WBP1L: variants seen among roughly 807,000 people sequenced by gnomAD.
WBP1L encodes WW domain binding protein 1 like.
WBP1L carries 17 observed loss-of-function variants against 33.7 expected under a neutral mutation model. The observed-to-expected ratio is 0.50, with a 90% confidence interval of 0.34 to 0.76. The LOEUF (loss-of-function observed/expected upper bound fraction) is 0.76. Ranked by LOEUF, WBP1L falls within the 30% of genes least tolerant of loss-of-function variation. The probability of loss-of-function intolerance (pLI) is 0.01; values close to 1 mark genes in which losing one functional copy is unlikely to be tolerated. For synonymous variants in WBP1L, 173 were observed against 190.8 expected (o/e 0.91, Z 0.77); for missense variants, 389 against 469.4 (o/e 0.83, Z 1.58).
At chr10:102,785,146 T>C (rs1195394581) in intron 1 of WBP1L, among the ~76,000 whole-genome samples, 1 of 151,628 alleles carries the variant, frequency 6.6e-6, no homozygotes, top group Non-Finnish European at 1.5e-5. Context: ...AGTGCTGGGA[T>C]TACAGGCGTG....
At chr10:102,751,338 G>T (rs1194357578) in intron 1 of WBP1L, among the ~76,000 whole-genome samples, 3 of 134,224 alleles carry the variant, frequency 2.2e-5, no homozygotes, top group African/African-American at 8.4e-5. Context: ...TTTTTTTTGA[G>T]ACACGATCTC....
At chr10:102,792,586 T>C (rs75593172) in intron 1 of WBP1L, among the ~76,000 whole-genome samples, 2 of 144,706 alleles carry the variant, frequency 1.4e-5, no homozygotes, top group Non-Finnish European at 3.0e-5. Flanking sequence ...CTTTTTTTTT[T>C]CTTTTCTTTT....
chr10:102,764,759 A>G (rs1457339406), intron 1 of WBP1L, among the ~76,000 whole-genome samples: 1 of 152,210 alleles, frequency 6.6e-6, no homozygotes, highest in Non-Finnish European at 1.5e-5. Flanking sequence ...CAAATAGCCT[A>G]AGGAGAGAGG....
chr10:102,776,947 G>T (rs1283173392), intron 1 of WBP1L, among the ~76,000 whole-genome samples: 3 of 152,044 alleles, frequency 2.0e-5, no homozygotes, highest in African/African-American at 4.8e-5. Context: ...ACGCCTCAGG[G>T]GAAGGGGTGT....
chr10:102,777,626 G>C (rs747959045), intron 1 of WBP1L, among the ~76,000 whole-genome samples: 1 of 131,194 alleles, frequency 7.6e-6, no homozygotes, highest in Non-Finnish European at 1.5e-5. Context: ...CTGGAGTGTA[G>C]TGGCGTTAGC....
intron 2 of WBP1L, among the ~76,000 whole-genome samples, chr10:102,799,349 T>C (rs1843618977): frequency 6.6e-6 from 1 of 150,578 alleles, no homozygotes; most frequent in South Asian, 2.1e-4. Context: ...AAAAATGCCA[T>C]GTGGAAACCA....
At chr10:102,802,027 C>T (rs1843664507) in intron 2 of WBP1L, among the ~76,000 whole-genome samples, 1 of 58,882 alleles carries the variant, frequency 1.7e-5, no homozygotes, top group Non-Finnish European at 3.5e-5. Flanking sequence ...CCACCCTTCC[C>T]CCCACCCTCC....
intron 1 of WBP1L, among the ~76,000 whole-genome samples, chr10:102,792,528 T>C (rs1287957574): frequency 6.6e-6 from 1 of 152,112 alleles, no homozygotes; most frequent in African/African-American, 2.4e-5. Context: ...GCTTTGCTTG[T>C]AGCGTTTTCT....
intron 2 of WBP1L, among the ~76,000 whole-genome samples, chr10:102,800,907 CAG>C (rs1462408162): frequency 6.6e-6 from 1 of 152,184 alleles, no homozygotes; most frequent in African/African-American, 2.4e-5. Flanking sequence ...AATCCTTTGG[CAG>C]AGTTTTCATC....
intron 1 of WBP1L, among the ~76,000 whole-genome samples, chr10:102,795,599 A>G (rs1056612205): frequency 1.3e-5 from 2 of 152,222 alleles, no homozygotes; most frequent in Admixed American, 6.5e-5. Flanking sequence ...GTCTCACTTA[A>G]GACCAGTTGA....
At chr10:102,777,077 A>G (rs1016385336) in intron 1 of WBP1L, among the ~76,000 whole-genome samples, 3 of 152,108 alleles carry the variant, frequency 2.0e-5, no homozygotes, top group Non-Finnish European at 4.4e-5. Context: ...CCAGCCGGTA[A>G]AGCAGTGTGG....
intron 3 of WBP1L, among the ~76,000 whole-genome samples, chr10:102,810,506 C>G (rs1335732482): frequency 1.6e-5 from 1 of 61,446 alleles, no homozygotes; most frequent in Admixed American, 1.6e-4. Context: ...TCCTTCCTTC[C>G]TTCCTTCCTT....
rs543068625 is a variant in WBP1L, at chr10:102,802,941, G to A, written c.193+4846G>A. On this transcript the variant is annotated intron_variant, in intron 2 of 3. Transcript: ENST00000448841. ...TACCATACATCAGGCATAGTTCTGC[G>A]TATACTACATATATTAACTCATTTA... Among the ~76,000 whole-genome samples, 11 of 152,302 alleles carry A rather than the reference G, an allele frequency of 7.2e-5. No homozygotes were observed. In the South Asian group the frequency reaches 2.1e-3, roughly 29 times the overall value.
intron 1 of WBP1L, among the ~76,000 whole-genome samples, chr10:102,765,453 C>T (rs889800095): frequency 1.3e-5 from 2 of 152,086 alleles, no homozygotes; most frequent in African/African-American, 4.8e-5. Flanking sequence ...AGACTGGTCT[C>T]GAACTCCTGG....
chr10:102,788,943 A>ATTATT (rs1249437914), intron 1 of WBP1L, among the ~76,000 whole-genome samples: 12 of 152,066 alleles, frequency 7.9e-5, no homozygotes, highest in African/African-American at 2.7e-4. Context: ...TACTTTGGAG[A>ATTATT]TTATTTTATT....
chr10:102,779,925 G>C (rs891185918), intron 1 of WBP1L, among the ~76,000 whole-genome samples: 91 of 152,184 alleles, frequency 6.0e-4, no homozygotes, highest in Non-Finnish European at 1.1e-3. Flanking sequence ...GAGCATTCCG[G>C]ACAGATCAGG....
rs762327930 is a variant in WBP1L at position 102,812,691 on chromosome 10, A to C, written c.452A>C (p.Gln151Pro). ...TACAGTGCCTTCCAGCTACAGCAGCAGCAGCTGCTGCCTCCACAGTGTGGC... is the reference window on the plus strand; with the variant it reads ...TACAGTGCCTTCCAGCTACAGCAGCCGCAGCTGCTGCCTCCACAGTGTGGC... ...PPYSAFQLQQ[Q>P]QLLPPQCGPA... is the part of the protein sequence containing the mutation. The change falls in exon 4 of 4, where the codon CAG becomes CCG. Residue 151 changes from glutamine to proline, a missense_variant. By Grantham distance (76) the Gln-to-Pro change is moderately conservative. Coordinates refer to ENST00000448841, the MANE Select transcript of WBP1L (RefSeq NM_001083913.2). The C allele has an allele frequency of 4.3e-6, 7 of 1,613,928 alleles. No homozygotes were observed. The highest frequency in any genetic ancestry group is 5.9e-6 in the Non-Finnish European group (7 of 1,179,942).
rs1462396619 is a variant in WBP1L, at chr10:102,813,184, TGAG to T, written c.951_953del (p.Glu318del). ...GCTGCCATGTGCGGCCCCCTGGTGA[TGAG>T]GAGGAAGGCCTCTGTCAGTCCTCTG... On this transcript the variant is annotated inframe_deletion, in exon 4 of 4. Transcript: ENST00000448841. The T allele has an allele frequency of 2.5e-6, 4 of 1,613,754 alleles. No homozygotes were observed. In the African/African-American group the frequency reaches 4.0e-5, roughly 16 times the overall value.
intron 1 of WBP1L, among the ~76,000 whole-genome samples, chr10:102,787,394 C>T (rs1208731751): frequency 6.6e-6 from 1 of 152,028 alleles, no homozygotes; most frequent in East Asian, 1.9e-4. Flanking sequence ...TGAGACCAGC[C>T]TGAGCAACGT....
Sources: gnomAD v4.1 joint callset for allele counts (sites outside exome capture counted in the v4.1 genomes callset) on GRCh38, gnomAD v4.1.1 for gene constraint, MANE v1.5 for transcripts, NCBI Gene and HGNC (gene_info 2026-07-23, HGNC 2026-07-21) for gene names.